Variants in BIRC2 observed in about 807,000 individuals in gnomAD.
BIRC2 encodes baculoviral IAP repeat containing 2, also known as baculoviral IAP repeat-containing protein 2.
Under a neutral mutation model 60.9 loss-of-function variants are expected in BIRC2, and 18 were observed. The observed-to-expected ratio is 0.30, with a 90% CI of 0.20 to 0.44. BIRC2 has a LOEUF of 0.44. Ranked by LOEUF, BIRC2 falls within the 20% of genes least tolerant of loss-of-function variation. The probability of loss-of-function intolerance (pLI) is 1.00; values close to 1 mark genes in which losing one functional copy is unlikely to be tolerated. For synonymous variants in BIRC2, 282 were observed against 247.7 expected (o/e 1.14, Z -1.30); for missense variants, 701 against 728.5 (o/e 0.96, Z 0.43).
intron 5 of BIRC2, among the ~76,000 whole-genome samples, chr11:102,367,621 T>C (rs1951568825): frequency 6.6e-6 from 1 of 152,184 alleles, no homozygotes; most frequent in African/African-American, 2.4e-5. Flanking sequence ...TAGCAGAAAA[T>C]GCTTCCCTGA....
At chr11:102,353,965 G>A (rs1030584548) in intron 3 of BIRC2, among the ~76,000 whole-genome samples, 2 of 152,036 alleles carry the variant, frequency 1.3e-5, no homozygotes, top group African/African-American at 4.8e-5. Flanking sequence ...ACCAAAATTC[G>A]CACATACTGA....
chr11:102,355,374 T>C (rs1022800126), intron 3 of BIRC2, among the ~76,000 whole-genome samples: 9 of 152,214 alleles, frequency 5.9e-5, no homozygotes, highest in Admixed American at 2.0e-4. Context: ...AAGAGACTTA[T>C]CATTTCAACA....
At position 102,350,463 on chromosome 11, in the gene BIRC2, A is replaced by G; in HGVS notation, c.609A>G (p.Glu203=). ...CATTAACTTTTTTGTCACCATCAGAATTGGCAAGAGCTGGTTTTTATTATA... is the reference window on the plus strand; with the variant it reads ...CATTAACTTTTTTGTCACCATCAGAGTTGGCAAGAGCTGGTTTTTATTATA... The part of the protein sequence containing the change: ...MWPLTFLSPS[E]LARAGFYYIG... Residue 203 remains glutamate, a synonymous_variant, in exon 2 of 9, where the codon GAA becomes GAG. Transcript: ENST00000227758. The G allele has an allele frequency of 6.2e-7, 1 of 1,614,214 alleles. No homozygotes were observed. The highest frequency in any genetic ancestry group is 8.5e-7 in the Non-Finnish European group (1 of 1,180,036).
intron 3 of BIRC2, among the ~76,000 whole-genome samples, chr11:102,359,416 A>G (rs1322579969): frequency 6.6e-6 from 1 of 152,186 alleles, no homozygotes; most frequent in Non-Finnish European, 1.5e-5. Context: ...TAATTTGATT[A>G]TATATTTATC....
Position 102,363,695 on chromosome 11 carries a change from G to A in BIRC2, c.1102G>A (p.Glu368Lys), listed in dbSNP as rs1951511270. The stretch of plus-strand genomic sequence containing the variant: ...GTTGTCAACTTCAGATACCACTGGA[G>A]AAGAAAATGCTGACCCACCAAGTAT... ...QLLSTSDTTGEENADPPIIHF... is the reference protein window; with the variant it reads ...QLLSTSDTTGKENADPPIIHF... The change falls in exon 5 of 9, where the codon GAA becomes AAA. Residue 368 changes from glutamate to lysine, a missense_variant. By Grantham distance (56) the Glu-to-Lys change is moderately conservative. This residue lies in a region of BIRC2 where 235 missense variants were observed against 208.9 expected (regional missense o/e 1.12). Transcript: ENST00000227758. The A allele has an allele frequency of 1.9e-6, 3 of 1,611,892 alleles. No homozygotes were observed. The highest frequency in any genetic ancestry group is 2.5e-6 in the Non-Finnish European group (3 of 1,178,656).
chr11:102,353,016 A>T (rs868766779), intron 3 of BIRC2, among the ~76,000 whole-genome samples: 137 of 152,308 alleles, frequency 9.0e-4, no homozygotes, highest in African/African-American at 3.1e-3. Context: ...TGACTTTTTT[A>T]CACTGAAAAA....
In BIRC2 at chr11:102,349,115, GAT is replaced by G. The variant is rs1951323313; in HGVS notation, c.-738_-737del. The G allele has an allele frequency of 6.6e-6, 1 of 152,374 alleles. No individual in the cohort carries two copies. The highest frequency in any genetic ancestry group is 2.4e-5 in the African/African-American group (1 of 41,430). The allele number at this position is 152,374 out of a possible 1,614,324, so 9.4% of individuals were successfully genotyped here. On this transcript the variant is annotated 5_prime_UTR_variant, in exon 2 of 9. It removes the in-frame stop codon of an upstream open reading frame in the 5' UTR. Coordinates refer to ENST00000227758, the MANE Select transcript of BIRC2 (RefSeq NM_001166.5). ...ACAAATACAAATGATATTTAACAAA[GAT>G]AGAGTTTACAGTTTTTGAACTTTAA... is the stretch of plus-strand genomic sequence containing the variant.
Position 102,350,379 on chromosome 11 carries a change from C to A in BIRC2, c.525C>A (p.Asn175Lys), listed in dbSNP as rs139349997. 15 of 1,614,088 alleles carry A rather than the reference C, an allele frequency of 9.3e-6. 1 individual carries two copies. Among genetic ancestry groups the A allele is most frequent in the Non-Finnish European group, 1.2e-5 (14 of 1,180,046 alleles). The change falls in exon 2 of 9, where the codon AAC (asparagine) becomes AAA (lysine). Residue 175 changes from asparagine (N) to lysine (K), a missense_variant. By Grantham distance (94) the Asn-to-Lys change is moderately conservative. This residue lies in a region of BIRC2 where 375 missense variants were observed against 365.9 expected (regional missense o/e 1.02). Transcript: ENST00000227758. ...AAGACATCTCTTCATCGAGGACTAA[C>A]CCCTACAGTTATGCAATGAGTACTG... ...AVEDISSSRT[N>K]PYSYAMSTEE...
Position 102,350,765 on chromosome 11 carries a change from CTA to C in BIRC2, c.895+19_895+20del, listed in dbSNP as rs1458531692. The C allele has an allele frequency of 6.2e-7, 1 of 1,603,968 alleles. No homozygotes were observed. The highest frequency in any genetic ancestry group is 8.5e-7 in the Non-Finnish European group (1 of 1,176,042). On this transcript the variant is annotated intron_variant, in intron 2 of 8. Transcript: ENST00000227758. Reference sequence around the variant, plus strand: ...TATTATGTGGGTAAGAAGCAAATAACTATACATTTTATCATTTTATTTTAATT... The same window carrying C: ...TATTATGTGGGTAAGAAGCAAATAACTACATTTTATCATTTTATTTTAATT...
intron 4 of BIRC2, 136 bp from the exon 5 acceptor site, chr11:102,363,527 GAAAGC>G (rs886416886): frequency 2.0e-6 from 1 of 489,268 alleles, no homozygotes; most frequent in Non-Finnish European, 3.6e-6. Context: ...TAGGGTAAAA[GAAAGC>G]AAAGCAAAGG....
intron 3 of BIRC2, among the ~76,000 whole-genome samples, chr11:102,353,341 T>C (rs1951384504): frequency 6.6e-6 from 1 of 152,230 alleles, no homozygotes; most frequent in Non-Finnish European, 1.5e-5. Flanking sequence ...TTTTTATTTT[T>C]TTGAGACAGT....
chr11:102,361,164 C>T (rs111444819), intron 3 of BIRC2, among the ~76,000 whole-genome samples: 53 of 152,266 alleles, frequency 3.5e-4, no homozygotes, highest in African/African-American at 1.2e-3. Flanking sequence ...GGAGCAGCTA[C>T]AGAGCCAAGG....
intron 6 of BIRC2, among the ~76,000 whole-genome samples, chr11:102,374,276 G>T (rs1245031566): frequency 6.6e-6 from 1 of 151,060 alleles, no homozygotes; most frequent in Non-Finnish European, 1.5e-5. Flanking sequence ...TTTCTGTTCT[G>T]TTTTTCCCCC....
chr11:102,373,630 C>T (rs532360447), intron 6 of BIRC2, among the ~76,000 whole-genome samples: 78 of 151,370 alleles, frequency 5.2e-4, no homozygotes, highest in Non-Finnish European at 8.3e-4. Flanking sequence ...TTTGGTGAAT[C>T]TGACAATTAT....
intron 6 of BIRC2, among the ~76,000 whole-genome samples, chr11:102,376,903 C>T (rs141760506): frequency 6.6e-6 from 1 of 152,032 alleles, no homozygotes; most frequent in Non-Finnish European, 1.5e-5. Context: ...GTGAGTGGGC[C>T]TAGCCAACAC....
chr11:102,355,775 A>C (rs1710002028), intron 3 of BIRC2, among the ~76,000 whole-genome samples: 1 of 151,964 alleles, frequency 6.6e-6, no homozygotes, highest in Non-Finnish European at 1.5e-5. Context: ...TATTTCTGTC[A>C]TTTTCAGTTT....
rs1951336789 is a variant in BIRC2 at position 102,350,001 on chromosome 11, A to G, written c.147A>G (p.Arg49=). The G allele has an allele frequency of 6.2e-7, 1 of 1,614,108 alleles. No individual in the cohort carries two copies. Among genetic ancestry groups the G allele is most frequent in the African/African-American group, 1.3e-5 (1 of 74,944 alleles). ...MKYDFSCELY[R]MSTYSTFPAG... ...ATGACTTTTCCTGTGAACTCTACAG[A>G]ATGTCTACATATTCAACTTTCCCCG... The change falls in exon 2 of 9, where the codon AGA becomes AGG. Residue 49 remains arginine, a synonymous_variant. Transcript: ENST00000227758.
At chr11:102,357,287 C>T (rs892174416) in intron 3 of BIRC2, among the ~76,000 whole-genome samples, 21 of 151,602 alleles carry the variant, frequency 1.4e-4, no homozygotes, top group African/African-American at 5.1e-4. Context: ...CCTCTTCTTC[C>T]TTCTTCCTCC....
In BIRC2 at chr11:102,349,867, G is replaced by A. The variant is rs145073481; in HGVS notation, c.13G>A (p.Ala5Thr). 2.7e-5 allele frequency: 44 copies of A among 1,604,502 alleles called. No individual in the cohort carries two copies. The East Asian group carries it at 9.4e-4, about 34-fold the overall frequency. The change falls in exon 2 of 9, where the codon GCC (alanine) becomes ACC (threonine). Residue 5 changes from alanine to threonine, a missense_variant. By Grantham distance (58) the Ala-to-Thr change is moderately conservative. Transcript: ENST00000227758. MHKT[A>T]SQRLFPGPSY... ...CTGTCACCTACTCATGCACAAAACTGCCTCCCAAAGACTTTTCCCAGGTCC... is the reference window on the plus strand; with the variant it reads ...CTGTCACCTACTCATGCACAAAACTACCTCCCAAAGACTTTTCCCAGGTCC...
Sources: allele counts gnomAD v4.1 joint callset (sites outside exome capture counted in the v4.1 genomes callset), GRCh38; gene constraint gnomAD v4.1.1; regional missense constraint gnomAD v4.1.1; transcripts MANE v1.5; gene names NCBI Gene and HGNC (gene_info 2026-07-23, HGNC 2026-07-21).